The following RIMS2 variants were observed in gnomAD, a reference collection of about 807,000 sequenced individuals.
RIMS2 encodes regulating synaptic membrane exocytosis protein 2.
Under a neutral mutation model 174.4 loss-of-function variants are expected in RIMS2, and 59 were observed. The ratio of observed to expected loss-of-function variants is 0.34; its 90% CI spans 0.27 to 0.42. The LOEUF (loss-of-function observed/expected upper bound fraction) is 0.42, where lower values mean the gene tolerates loss of function less well. RIMS2 is among the 10% of genes least tolerant of loss of function. The pLI is 1.00. For missense variants in RIMS2, 1,620 were observed against 1,666.3 expected, an observed-to-expected ratio of 0.97 and a Z score of 0.48; for synonymous variants, 606 against 572.5, an observed-to-expected ratio of 1.06 and a Z score of -0.84.
chr8:104,131,611 T>C (rs1026839095), intron 19 of RIMS2, among the ~76,000 whole-genome samples: 1 of 152,160 alleles, frequency 6.6e-6, no homozygotes, highest in Non-Finnish European at 1.5e-5. Context: ...TGGTAAGTGG[T>C]TGGAAGCAAT....
chr8:103,910,359 G>A (rs1262206238), intron 5 of RIMS2: 3 of 1,598,758 alleles, frequency 1.9e-6, no homozygotes, highest in Admixed American at 3.3e-5. Flanking sequence ...TAGTGAGCAG[G>A]CAGTTTTGTC....
intron 19 of RIMS2, among the ~76,000 whole-genome samples, chr8:104,062,188 G>T (rs949307638): frequency 6.6e-6 from 1 of 152,058 alleles, no homozygotes; most frequent in Admixed American, 6.6e-5. Context: ...GGCAGATCAT[G>T]AGGTCAAGAG....
intron 2 of RIMS2, among the ~76,000 whole-genome samples, chr8:103,763,003 TATTGTTATGCAGC>T (rs2098128500): frequency 6.6e-6 from 1 of 152,184 alleles, no homozygotes; most frequent in African/African-American, 2.4e-5. Flanking sequence ...TTGACTGAAC[TATTGTTATGCAGC>T]ACATGGCAGT....
At chr8:103,537,735 G>A (rs759588674) in intron 1 of RIMS2, among the ~76,000 whole-genome samples, 9 of 152,154 alleles carry the variant, frequency 5.9e-5, no homozygotes, top group Admixed American at 1.3e-4. Flanking sequence ...GTAATATTAA[G>A]TAGTCAGGTA....
intron 17 of RIMS2, among the ~76,000 whole-genome samples, chr8:103,991,431 G>A (rs1248607001): frequency 6.6e-6 from 1 of 151,750 alleles, no homozygotes; most frequent in African/African-American, 2.4e-5. Context: ...TATTATATAT[G>A]TGGTCTGTCA....
chr8:103,947,897 T>A (rs942159559), intron 14 of RIMS2, among the ~76,000 whole-genome samples: 1 of 152,222 alleles, frequency 6.6e-6, no homozygotes, highest in Non-Finnish European at 1.5e-5. Context: ...AGTTGTTTAC[T>A]GAAACATCAT....
chr8:104,226,989 G>T (rs898725788), intron 19 of RIMS2, among the ~76,000 whole-genome samples: 2 of 152,066 alleles, frequency 1.3e-5, no homozygotes, highest in African/African-American at 4.8e-5. Context: ...CACTTTCTAT[G>T]TGCCACATTC....
intron 2 of RIMS2, among the ~76,000 whole-genome samples, chr8:103,715,927 T>C (rs2097363237): frequency 6.6e-6 from 1 of 152,102 alleles, no homozygotes; most frequent in Non-Finnish European, 1.5e-5. Context: ...ATATAAAACT[T>C]TTTTCTTAAA....
chr8:103,586,852 A>G (rs534371102), intron 1 of RIMS2, among the ~76,000 whole-genome samples: 1 of 150,818 alleles, frequency 6.6e-6, no homozygotes, highest in African/African-American at 2.5e-5. Context: ...AGAGTAAGAG[A>G]AAAAAAACCC....
intron 19 of RIMS2, among the ~76,000 whole-genome samples, chr8:104,070,159 C>T (rs972635958): frequency 6.6e-6 from 1 of 152,102 alleles, no homozygotes; most frequent in Non-Finnish European, 1.5e-5. Flanking sequence ...ACATATGTAC[C>T]AGTTTCTAGC....
chr8:104,100,668 T>G (rs2097853976), intron 19 of RIMS2, among the ~76,000 whole-genome samples: 1 of 151,382 alleles, frequency 6.6e-6, no homozygotes, highest in African/African-American at 2.4e-5. Flanking sequence ...ATTATCTCTC[T>G]TAAAGAACGG....
At chr8:104,118,343 G>A (rs1188733388) in intron 19 of RIMS2, among the ~76,000 whole-genome samples, 2 of 139,192 alleles carry the variant, frequency 1.4e-5, no homozygotes, top group Non-Finnish European at 3.1e-5. Flanking sequence ...TTTTTTGTTT[G>A]TTTATTTTTT....
intron 1 of RIMS2, among the ~76,000 whole-genome samples, chr8:103,620,820 T>A (rs755603317): frequency 1.3e-5 from 2 of 152,170 alleles, no homozygotes; most frequent in African/African-American, 2.4e-5. Context: ...AAGAACACCC[T>A]TTTCAAAACT....
intron 1 of RIMS2, among the ~76,000 whole-genome samples, chr8:103,536,571 A>AGCACCCT (rs1160789524): frequency 1.3e-5 from 2 of 152,136 alleles, no homozygotes; most frequent in Non-Finnish European, 1.5e-5. Flanking sequence ...GTTTCTGGGG[A>AGCACCCT]GACCTTTCAA....
At chr8:104,137,383 G>T (rs2098529897) in intron 19 of RIMS2, among the ~76,000 whole-genome samples, 1 of 152,026 alleles carries the variant, frequency 6.6e-6, no homozygotes, top group African/African-American at 2.4e-5. Flanking sequence ...AATTCATGAG[G>T]ATTACCTCAT....
At chr8:104,057,826 T>C (rs540897541) in intron 19 of RIMS2, among the ~76,000 whole-genome samples, 54 of 150,744 alleles carry the variant, frequency 3.6e-4, no homozygotes, top group African/African-American at 1.2e-3. Flanking sequence ...GTGTTTGGTT[T>C]TTTGTCCTTG....
At chr8:103,772,900 G>A (rs368032704) in intron 3 of RIMS2, among the ~76,000 whole-genome samples, 19 of 151,760 alleles carry the variant, frequency 1.3e-4, no homozygotes, top group African/African-American at 3.9e-4. Context: ...ATATCCATAT[G>A]CAAAAAAATT....
intron 3 of RIMS2, among the ~76,000 whole-genome samples, chr8:103,793,042 A>G (rs908113466): frequency 2.0e-5 from 3 of 152,208 alleles, no homozygotes; most frequent in African/African-American, 7.2e-5. Flanking sequence ...AAACTATTCC[A>G]ATCAATAGAA....
intron 17 of RIMS2, among the ~76,000 whole-genome samples, chr8:104,002,182 CT>C (rs890285743): frequency 2.4e-3 from 367 of 151,622 alleles, no homozygotes; most frequent in African/African-American, 8.2e-3. Flanking sequence ...TGATTGCACA[CT>C]TTTTTTTTCT....
Sources: allele counts gnomAD v4.1 joint callset (sites outside exome capture counted in the v4.1 genomes callset), GRCh38; gene constraint gnomAD v4.1.1; transcripts MANE v1.5; gene names NCBI Gene and HGNC (gene_info 2026-07-23, HGNC 2026-07-21).